The following XIRP1 variants were observed in gnomAD, a reference collection of about 807,000 sequenced individuals.
XIRP1 encodes xin actin-binding repeat-containing protein 1.
For missense variants in XIRP1, 2,378 were observed against 2,345.4 expected (o/e 1.01, Z -0.29); for synonymous variants, 984 against 947.0 (o/e 1.04, Z -0.72).
In XIRP1 at chr3:39,188,177, G is replaced by A. The variant is rs200484310; in HGVS notation, c.1269C>T (p.Pro423=). 4.3e-6 allele frequency: 7 copies of A among 1,614,170 alleles called. No individual in the cohort carries two copies. The highest frequency in any genetic ancestry group is 5.9e-6 in the Non-Finnish European group (7 of 1,180,026). ...HLSSDSSSAL[P]FSQSAPQRDE... ...CCCTCTGGGGGGCACTCTGAGAGAAGGGCAGTGCTGAGGAGCTGTCACTGG... is the reference window on the plus strand; with the variant it reads ...CCCTCTGGGGGGCACTCTGAGAGAAAGGCAGTGCTGAGGAGCTGTCACTGG... The change falls in exon 2 of 2, where the codon CCC becomes CCT. Residue 423 remains proline, a synonymous_variant. Coordinates refer to ENST00000340369, the MANE Select transcript of XIRP1 (RefSeq NM_194293.4).
In XIRP1 at chr3:39,184,943, C is replaced by T. The variant is rs2039936151; in HGVS notation, c.4503G>A (p.Val1501=). The change falls in exon 2 of 2, where the codon GTG becomes GTA. Residue 1501 remains valine (V), a synonymous_variant. Coordinates refer to ENST00000340369, the MANE Select transcript of XIRP1 (RefSeq NM_194293.4). ...GAGGAGCAGCCCCTCCCAGCTGGGG[C>T]ACGGCCTCAAAGAGCCTCCGCAGGG... ...VQALRRLFEA[V]PQLGGAAPQA... 6.4e-7 allele frequency: 1 copy of T among 1,563,702 alleles called. No homozygotes were observed. Among genetic ancestry groups the T allele is most frequent in the Non-Finnish European group, 8.7e-7 (1 of 1,155,370 alleles).
Position 39,184,042 on chromosome 3 carries a change from G to A in XIRP1, c.5404C>T (p.His1802Tyr), listed in dbSNP as rs555717995. Reference sequence around the variant, plus strand: ...AAGGGGGAGGCGTGGAGCCCGAGGTGGGAGCCTGGGTTCCTGGGTGGCTCT... The same window carrying A: ...AAGGGGGAGGCGTGGAGCCCGAGGTAGGAGCCTGGGTTCCTGGGTGGCTCT... Reference protein sequence around the residue: ...QAEPPRNPGSHLGLHASPLLR... With the variant: ...QAEPPRNPGSYLGLHASPLLR... The change falls in exon 2 of 2, where the codon CAC becomes TAC. Residue 1802 changes from histidine (H) to tyrosine (Y), a missense_variant. Coordinates refer to ENST00000340369, the MANE Select transcript of XIRP1 (RefSeq NM_194293.4). The A allele has an allele frequency of 6.2e-7, 1 of 1,612,106 alleles. No individual in the cohort carries two copies. The highest frequency in any genetic ancestry group is 1.7e-5 in the Admixed American group (1 of 59,882).
rs6805248 is a variant in XIRP1, at chr3:39,188,409, T to C, written c.1037A>G (p.Gln346Arg). 1 allele frequency: 1,607,141 copies of C among 1,608,578 alleles called. 802,861 individuals are homozygous for C. The highest frequency in any genetic ancestry group is 1 in the East Asian group (44,675 of 44,676). ...CAGCGCTCGGGTCTCAAACAGATGC[T>C]GCTGCTGCTGAACATCTGGACCAGG... ...IPPGPDVQQQQHLFETRALDT... is the reference protein window; with the variant it reads ...IPPGPDVQQQRHLFETRALDT... The change falls in exon 2 of 2, where the codon CAG becomes CGG. Residue 346 changes from glutamine to arginine, a missense_variant. By Grantham distance (43) the Gln-to-Arg change is conservative (BLOSUM62 1). Coordinates refer to ENST00000340369, the MANE Select transcript of XIRP1 (RefSeq NM_194293.4).
At position 39,186,453 on chromosome 3, in the gene XIRP1, A is replaced by G. The variant is rs905454357; in HGVS notation, c.2993T>C (p.Ile998Thr). The G allele has an allele frequency of 1.2e-6, 2 of 1,613,930 alleles. No individual in the cohort carries two copies. The highest frequency in any genetic ancestry group is 4.5e-5 in the East Asian group (2 of 44,864). The change falls in exon 2 of 2, where the codon ATT becomes ACT. Residue 998 changes from isoleucine (I) to threonine (T), a missense_variant. Ile to Thr is a moderately conservative substitution (Grantham distance 89). Transcript: ENST00000340369. ...CCCAGCCAGAGGGACTGCCTTTCCA[A>G]TGGCCTGAGGAGGGCAAGGGGTGGC... ...SGATPCPPQA[I>T]GKAVPLAGEA...
At position 39,184,022 on chromosome 3, in the gene XIRP1, G is replaced by C; in HGVS notation, c.5424C>G (p.Ser1808=). The change falls in exon 2 of 2, where the codon TCC becomes TCG. Residue 1808 remains serine (S), a synonymous_variant. Coordinates refer to ENST00000340369, the MANE Select transcript of XIRP1 (RefSeq NM_194293.4). ...NPGSHLGLHA[S]PLLRQFLHSP... is the part of the protein sequence containing the mutation. The stretch of plus-strand genomic sequence containing the variant: ...TGTGCAGGAACTGCCTCAGCAAGGG[G>C]GAGGCGTGGAGCCCGAGGTGGGAGC... 8.7e-6 allele frequency: 14 copies of C among 1,612,992 alleles called. No individual in the cohort carries two copies. Among genetic ancestry groups the C allele is most frequent in the Non-Finnish European group, 1.2e-5 (14 of 1,179,552 alleles).
chr3:39,186,519 AG>A lies in XIRP1; in HGVS notation c.2926del (p.Leu976TrpfsTer10). 1 of 1,612,772 alleles carries A rather than the reference AG, an allele frequency of 6.2e-7. No homozygotes were observed. The highest frequency in any genetic ancestry group is 1.3e-5 in the African/African-American group (1 of 74,818). ...PTESIIHVPP[L>X]DPSMGMGHLR... is the part of the protein sequence containing the mutation. Reference sequence around the variant, plus strand: ...ATGCCCCATCCCCATGCTGGGGTCCAGTGGGGGAACATGGATGATGCTCTCA... The same window carrying A: ...ATGCCCCATCCCCATGCTGGGGTCCATGGGGGAACATGGATGATGCTCTCA... On this transcript the variant is annotated frameshift_variant, in exon 2 of 2. Transcript: ENST00000340369. LOFTEE classifies it low-confidence loss of function (END_TRUNC).
Position 39,184,567 on chromosome 3 carries a change from TCTTGA to T in XIRP1, c.4874_4878del (p.Val1625AspfsTer63), listed in dbSNP as rs778624764. 5 of 1,613,852 alleles carry T rather than the reference TCTTGA, an allele frequency of 3.1e-6. No homozygotes were observed. Among genetic ancestry groups the T allele is most frequent in the South Asian group, 2.2e-5 (2 of 91,088 alleles). On this transcript the variant is annotated frameshift_variant, in exon 2 of 2. Coordinates refer to ENST00000340369, the MANE Select transcript of XIRP1 (RefSeq NM_194293.4). LOFTEE classifies it low-confidence loss of function (END_TRUNC). ...CCTCTGGCCTCTGTGTGATTTCTGA[TCTTGA>T]CTTGACTCTGGGCCTCAGTGTGGCA...
At position 39,186,072 on chromosome 3, in the gene XIRP1, T is replaced by G; in HGVS notation, c.3374A>C (p.Gln1125Pro). 6.2e-7 allele frequency: 1 copy of G among 1,614,088 alleles called. No homozygotes were observed. The highest frequency in any genetic ancestry group is 8.5e-7 in the Non-Finnish European group (1 of 1,179,964). The change falls in exon 2 of 2, where the codon CAA becomes CCA. Residue 1125 changes from glutamine to proline, a missense_variant. Physicochemically the swap from Gln to Pro is moderately conservative, Grantham distance 76 (BLOSUM62 -1). Coordinates refer to ENST00000340369, the MANE Select transcript of XIRP1 (RefSeq NM_194293.4). ...AAPRKVSREE[Q>P]ALPRGLPGGW... Reference sequence around the variant, plus strand: ...CCCAGGCAGCCCTCTGGGTAGTGCTTGCTCTTCCCTACTGACCTTTCTGGG... The same window carrying G: ...CCCAGGCAGCCCTCTGGGTAGTGCTGGCTCTTCCCTACTGACCTTTCTGGG...
At position 39,187,645 on chromosome 3, in the gene XIRP1, A is replaced by C; in HGVS notation, c.1801T>G (p.Cys601Gly). The C allele has an allele frequency of 1.2e-6, 2 of 1,614,094 alleles. No homozygotes were observed. Among genetic ancestry groups the C allele is most frequent in the Non-Finnish European group, 1.7e-6 (2 of 1,180,032 alleles). Reference protein sequence around the residue: ...VQTIRWLFETCPMSELAEKQG... With the variant: ...VQTIRWLFETGPMSELAEKQG... The stretch of plus-strand genomic sequence containing the variant: ...TTTTCGGCCAACTCACTCATTGGGC[A>C]AGTCTCGAACAACCACCGGATGGTC... The change falls in exon 2 of 2, where the codon TGC becomes GGC. Residue 601 changes from cysteine to glycine, a missense_variant. Coordinates refer to ENST00000340369, the MANE Select transcript of XIRP1 (RefSeq NM_194293.4).
Position 39,189,272 on chromosome 3 carries a change from G to T in XIRP1, c.174C>A (p.Tyr58Ter), listed in dbSNP as rs1023169527. The T allele has an allele frequency of 1.2e-6, 2 of 1,613,826 alleles. No homozygotes were observed. The highest frequency in any genetic ancestry group is 2.7e-5 in the African/African-American group (2 of 74,934). Residue 58 changes from tyrosine (Y) to a stop codon, truncating the protein, a stop_gained, in exon 2 of 2, where the codon TAC becomes TAA. Coordinates refer to ENST00000340369, the MANE Select transcript of XIRP1 (RefSeq NM_194293.4). LOFTEE classifies it low-confidence loss of function (END_TRUNC). Reference protein sequence around the residue: ...QRQASELRRLYRHIHPELRKN... With the variant: ...QRQASELRRL ...TGCGGAGCTCAGGGTGGATGTGCCT[G>T]TAGAGGCGGCGGAGCTCACTAGCTT...
Position 39,188,766 on chromosome 3 carries a change from T to C in XIRP1, c.680A>G (p.Asp227Gly). The change falls in exon 2 of 2, where the codon GAT becomes GGT. Residue 227 changes from aspartate to glycine, a missense_variant. Coordinates refer to ENST00000340369, the MANE Select transcript of XIRP1 (RefSeq NM_194293.4). ...LRSEIQELKG[D>G]VKKTVKLFQT... is the part of the protein sequence containing the mutation. ...GAAGAGCTTCACTGTCTTTTTCACA[T>C]CACCCTTCAGCTCCTGGATCTCTGA... is the stretch of plus-strand genomic sequence containing the variant. 2.5e-6 allele frequency: 4 copies of C among 1,613,718 alleles called. No individual in the cohort carries two copies. Among genetic ancestry groups the C allele is most frequent in the Non-Finnish European group, 3.4e-6 (4 of 1,180,038 alleles).
At position 39,185,405 on chromosome 3, in the gene XIRP1, A is replaced by G; in HGVS notation, c.4041T>C (p.Pro1347=). Residue 1347 remains proline (P), a synonymous_variant, in exon 2 of 2, where the codon CCT becomes CCC. Transcript: ENST00000340369. Reference sequence around the variant, plus strand: ...CCTCCGAGGAAAAGCTGGGAGATAGAGGCAAGGGCTTGGGCAGCCTCTGAG... The same window carrying G: ...CCTCCGAGGAAAAGCTGGGAGATAGGGGCAAGGGCTTGGGCAGCCTCTGAG... ...HPPQRLPKPL[P]LSPSFSSEVG... 1 of 1,613,708 alleles carries G rather than the reference A, an allele frequency of 6.2e-7. No homozygotes were observed. Among genetic ancestry groups the G allele is most frequent in the Non-Finnish European group, 8.5e-7 (1 of 1,179,842 alleles).
rs746885929 is a variant in XIRP1 at position 39,185,167 on chromosome 3, TG to T, written c.4278del (p.Lys1427SerfsTer49). ...TGSNAQSSEP[P>X]KLNALNHDPT... ...GGATCATGGTTGAGGGCATTGAGCT[TG>T]GGGGGCTCAGAGCTCTGGGCATTGC... On this transcript the variant is annotated frameshift_variant, in exon 2 of 2. Coordinates refer to ENST00000340369, the MANE Select transcript of XIRP1 (RefSeq NM_194293.4). LOFTEE classifies it low-confidence loss of function (END_TRUNC). 1 of 1,608,008 alleles carries T rather than the reference TG, an allele frequency of 6.2e-7. No individual in the cohort carries two copies. The highest frequency in any genetic ancestry group is 1.3e-5 in the African/African-American group (1 of 74,428).
intron 1 of XIRP1, among the ~76,000 whole-genome samples, chr3:39,191,954 T>G (rs2040093513): frequency 6.6e-6 from 1 of 152,182 alleles, no homozygotes; most frequent in African/African-American, 2.4e-5. Flanking sequence ...CCCTGGGAGC[T>G]ATCCCTGGGC....
rs2039938196 is a variant in XIRP1, at chr3:39,185,017, G to A, written c.4429C>T (p.Gln1477Ter). 2.6e-6 allele frequency: 4 copies of A among 1,520,708 alleles called. No individual in the cohort carries two copies. The highest frequency in any genetic ancestry group is 2.6e-6 in the Non-Finnish European group (3 of 1,137,642). The allele number at this position is 1,520,708 out of a possible 1,614,324, so 94.2% of individuals were successfully genotyped here. ...GCCTCCTTCTCCAGGGCTTGCACCT[G>A]GTTCAGGAGGCCCTGGAGCTCTTTC... ...NQKELQGLLN[Q>*]VQALEKEAAS... Residue 1477 changes from glutamine to a stop codon, truncating the protein, a stop_gained, in exon 2 of 2, where the codon CAG (glutamine) becomes TAG (stop). Transcript: ENST00000340369. LOFTEE classifies it low-confidence loss of function (END_TRUNC).
intron 1 of XIRP1, among the ~76,000 whole-genome samples, 194 bp from the exon 2 acceptor site, chr3:39,189,719 A>T (rs953973221): frequency 1.6e-4 from 24 of 152,108 alleles, no homozygotes; most frequent in African/African-American, 4.8e-4. Context: ...CCTACATCTC[A>T]TGCGTTGCTA....
chr3:39,189,546 C>T (rs1486947160), intron 1 of XIRP1, 21 bp from the exon 2 acceptor site: 11 of 1,500,380 alleles, frequency 7.3e-6, no homozygotes, highest in Non-Finnish European at 9.8e-6. Flanking sequence ...TGGTAGTAAA[C>T]AGGGCTCAGA....
At position 39,186,114 on chromosome 3, in the gene XIRP1, G is replaced by A. The variant is rs781775108; in HGVS notation, c.3332C>T (p.Pro1111Leu). Residue 1111 changes from proline (P) to leucine (L), a missense_variant, in exon 2 of 2, where the codon CCC becomes CTC. Coordinates refer to ENST00000340369, the MANE Select transcript of XIRP1 (RefSeq NM_194293.4). ...SNIRPGGGSD[P>L]RIPAAPRKVS... ...CTTTCTGGGGGCTGCTGGGATCCGG[G>A]GATCACTTCCACCCCCAGGCCTTAT... 1.2e-6 allele frequency: 2 copies of A among 1,613,378 alleles called. No individual in the cohort carries two copies. Among genetic ancestry groups the A allele is most frequent in the Non-Finnish European group, 1.7e-6 (2 of 1,179,528 alleles).
In XIRP1 at chr3:39,188,854, G is replaced by T. The variant is rs202133354; in HGVS notation, c.592C>A (p.Arg198=). The part of the protein sequence containing the change: ...VQGTRMLFET[R]PLDRLGSRPS... ...CGGGAGCCCAGGCGGTCCAGCGGCCGCGTCTCAAAGAGCATCCTGGTACCC... is the reference window on the plus strand; with the variant it reads ...CGGGAGCCCAGGCGGTCCAGCGGCCTCGTCTCAAAGAGCATCCTGGTACCC... Residue 198 remains arginine (R), a synonymous_variant, in exon 2 of 2, where the codon CGG becomes AGG. Transcript: ENST00000340369. The T allele has an allele frequency of 6.2e-7, 1 of 1,612,492 alleles. No homozygotes were observed. Among genetic ancestry groups the T allele is most frequent in the Middle Eastern group, 1.7e-4 (1 of 6,060 alleles).
Sources: gnomAD v4.1 joint callset for allele counts (sites outside exome capture counted in the v4.1 genomes callset) on GRCh38, gnomAD v4.1.1 for gene constraint, MANE v1.5 for transcripts, NCBI Gene and HGNC (gene_info 2026-07-23, HGNC 2026-07-21) for gene names.